GABRG3: variants seen among roughly 807,000 people sequenced by gnomAD.
GABRG3 encodes the protein gamma-aminobutyric acid receptor subunit gamma-3.
A neutral mutation model predicts 48.8 loss-of-function variants in GABRG3; 25 were observed. The observed-to-expected ratio is 0.51, with a 90% confidence interval of 0.37 to 0.72. The LOEUF (loss-of-function observed/expected upper bound fraction) is 0.72. GABRG3 is among the 30% of genes least tolerant of loss of function. The probability of loss-of-function intolerance (pLI) is 0.00; values close to 1 mark genes in which losing one functional copy is unlikely to be tolerated. For synonymous variants in GABRG3, 227 were observed against 217.6 expected (o/e 1.04, Z -0.38); for missense variants, 394 against 577.9 (o/e 0.68, Z 3.26).
Position 27,536,508 on chromosome 15 carries a change from A to G in GABRG3, c.*3627A>G, listed in dbSNP as rs1418457187. On this transcript the variant is annotated 3_prime_UTR_variant, in exon 10 of 10. Coordinates refer to ENST00000615808, the MANE Select transcript of GABRG3 (RefSeq NM_033223.5). ...ATAGGATTTCATTTCTTTATATGCC[A>G]AACAGTCTTACCCTTAATTTTACAT... 1 of 152,202 alleles carries G rather than the reference A, an allele frequency of 6.6e-6. No homozygotes were observed. Among genetic ancestry groups the G allele is most frequent in the African/African-American group, 2.4e-5 (1 of 41,458 alleles). 9.4% of individuals were successfully genotyped at this position (152,202 alleles called of 1,614,324 possible).
rs373973193 is a variant in GABRG3 at position 27,405,862 on chromosome 15, T to C, written c.575-74788T>C. On this transcript the variant is annotated intron_variant, in intron 5 of 9. Coordinates refer to ENST00000615808, the MANE Select transcript of GABRG3 (RefSeq NM_033223.5). The stretch of plus-strand genomic sequence containing the variant: ...CTGATTCTAGGACTGGGGGAGGGAA[T>C]ATAGGGAAAATAGAGGAAAATGTAG... Among the ~76,000 whole-genome samples the C allele has an allele frequency of 8.0e-3, 1,203 of 150,368 alleles. 13 individuals are homozygous for C. The highest frequency in any genetic ancestry group is 0.028 in the African/African-American group (1,131 of 40,326).
chr15:27,153,689 G>A (rs901122000), intron 3 of GABRG3, among the ~76,000 whole-genome samples: 5 of 151,882 alleles, frequency 3.3e-5, no homozygotes, highest in African/African-American at 7.3e-5. Flanking sequence ...TCTTCTCAAC[G>A]TATATATTTT....
intron 3 of GABRG3, among the ~76,000 whole-genome samples, chr15:27,259,427 G>T (rs1890710479): frequency 1.3e-5 from 2 of 152,174 alleles, no homozygotes; most frequent in Non-Finnish European, 2.9e-5. Flanking sequence ...TTTCTGCAGA[G>T]CCTCCTTGTT....
intron 6 of GABRG3, among the ~76,000 whole-genome samples, chr15:27,491,883 C>T (rs903173083): frequency 4.6e-5 from 7 of 152,160 alleles, no homozygotes; most frequent in South Asian, 2.1e-4. Flanking sequence ...CAGTATGCAT[C>T]GCTCTAAATT....
At chr15:27,241,395 T>C (rs1266591061) in intron 3 of GABRG3, among the ~76,000 whole-genome samples, 1 of 152,256 alleles carries the variant, frequency 6.6e-6, no homozygotes, top group African/African-American at 2.4e-5. Flanking sequence ...AGAACTGTTA[T>C]ACAAACCAGT....
chr15:27,291,903 G>A (rs1186964177), intron 3 of GABRG3, among the ~76,000 whole-genome samples: 1 of 152,144 alleles, frequency 6.6e-6, no homozygotes, highest in Non-Finnish European at 1.5e-5. Context: ...GTATGGCGGT[G>A]CCTCTCCACA....
rs575693801 is a variant in GABRG3 at position 27,193,216 on chromosome 15, T to C, written c.271-133593T>C. On this transcript the variant is annotated intron_variant, in intron 3 of 9. Transcript: ENST00000615808. ...GTCTGCCCGTTCTCAGATCTCCAGCTGCGTGCTGGGAGAACCACTGCTCTC... is the reference window on the plus strand; with the variant it reads ...GTCTGCCCGTTCTCAGATCTCCAGCCGCGTGCTGGGAGAACCACTGCTCTC... Among the ~76,000 whole-genome samples the C allele has an allele frequency of 2.3e-3, 354 of 152,304 alleles. 1 individual carries two copies. The highest frequency in any genetic ancestry group is 3.7e-3 in the Non-Finnish European group (255 of 68,010).
At chr15:26,978,940 T>C (rs560452593) in intron 2 of GABRG3, among the ~76,000 whole-genome samples, 2 of 152,322 alleles carry the variant, frequency 1.3e-5, no homozygotes, top group South Asian at 4.1e-4. Flanking sequence ...ATCTCTACTA[T>C]GTTGCATCTT....
At chr15:27,215,369 G>A (rs748029534) in intron 3 of GABRG3, among the ~76,000 whole-genome samples, 8 of 152,156 alleles carry the variant, frequency 5.3e-5, no homozygotes, top group Non-Finnish European at 8.8e-5. Flanking sequence ...CCCTCCTCAT[G>A]TACTTTTCAG....
At chr15:27,102,407 A>G (rs900487237) in intron 3 of GABRG3, among the ~76,000 whole-genome samples, 6 of 152,188 alleles carry the variant, frequency 3.9e-5, no homozygotes, top group Admixed American at 6.5e-5. Flanking sequence ...ATTCCTTCTT[A>G]TGAGAGGTGT....
intron 5 of GABRG3, among the ~76,000 whole-genome samples, chr15:27,421,288 T>G (rs1216836454): frequency 6.6e-6 from 1 of 152,250 alleles, no homozygotes; most frequent in Non-Finnish European, 1.5e-5. Flanking sequence ...ACTATTTATA[T>G]CAATGGACAG....
At chr15:27,194,503 C>T (rs1888433800) in intron 3 of GABRG3, among the ~76,000 whole-genome samples, 1 of 152,056 alleles carries the variant, frequency 6.6e-6, no homozygotes, top group South Asian at 2.1e-4. Context: ...TTTATTTGTC[C>T]TTTATTTCTA....
intron 3 of GABRG3, among the ~76,000 whole-genome samples, chr15:27,263,810 C>G (rs538739749): frequency 6.6e-6 from 1 of 151,970 alleles, no homozygotes; most frequent in Non-Finnish European, 1.5e-5. Context: ...CCTGTAGTCC[C>G]CGCTGCTCCG....
chr15:27,003,479 C>T (rs1474181342), intron 2 of GABRG3, among the ~76,000 whole-genome samples: 1 of 151,850 alleles, frequency 6.6e-6, no homozygotes, highest in East Asian at 1.9e-4. Context: ...CTTGCACCGC[C>T]CTTAATCCAT....
At chr15:27,166,547 G>A (rs564981126) in intron 3 of GABRG3, among the ~76,000 whole-genome samples, 1 of 152,120 alleles carries the variant, frequency 6.6e-6, no homozygotes, top group East Asian at 1.9e-4. Flanking sequence ...CCCTGGCTTG[G>A]CCCATGCATG....
intron 3 of GABRG3, among the ~76,000 whole-genome samples, chr15:27,064,824 C>T (rs575150926): frequency 2.6e-5 from 4 of 152,290 alleles, no homozygotes; most frequent in African/African-American, 9.6e-5. Context: ...GATTTTGTAG[C>T]CATACATGAC....
At chr15:27,294,211 C>A (rs374774169) in intron 3 of GABRG3, among the ~76,000 whole-genome samples, 1 of 147,154 alleles carries the variant, frequency 6.8e-6, no homozygotes, top group African/African-American at 2.5e-5. Flanking sequence ...GCTACCTTTT[C>A]TTTTCTTTTT....
intron 5 of GABRG3, among the ~76,000 whole-genome samples, chr15:27,460,147 G>C (rs532601559): frequency 6.6e-6 from 1 of 152,258 alleles, no homozygotes; most frequent in Admixed American, 6.5e-5. Context: ...ATTATAACCG[G>C]AAGTACCTCA....
chr15:27,059,074 A>T (rs935393595), intron 3 of GABRG3, among the ~76,000 whole-genome samples: 1 of 152,242 alleles, frequency 6.6e-6, no homozygotes, highest in Non-Finnish European at 1.5e-5. Flanking sequence ...AATTCTTCAT[A>T]TAAGAACTCT....
Sources: gnomAD v4.1 joint callset for allele counts (sites outside exome capture counted in the v4.1 genomes callset) on GRCh38, gnomAD v4.1.1 for gene constraint, MANE v1.5 for transcripts, NCBI Gene and HGNC (gene_info 2026-07-23, HGNC 2026-07-21) for gene names.